Variants in EXOC6B observed in about 807,000 individuals in gnomAD.
EXOC6B encodes the protein exocyst complex component 6B.
Under a neutral mutation model 113.5 loss-of-function variants are expected in EXOC6B, and 54 were observed. The observed-to-expected ratio is 0.48, with a 90% CI of 0.38 to 0.60. The LOEUF is 0.60. Ranked by LOEUF, EXOC6B falls within the 20% of genes least tolerant of loss-of-function variation. The probability of loss-of-function intolerance (pLI) is 0.00; values close to 1 mark genes in which losing one functional copy is unlikely to be tolerated. For missense variants in EXOC6B, 797 were observed against 977.5 expected (o/e 0.82, Z 2.46); for synonymous variants, 357 against 339.0 (o/e 1.05, Z -0.58).
At chr2:72,307,308 T>A (rs575282192) in intron 20 of EXOC6B, among the ~76,000 whole-genome samples, 2 of 152,190 alleles carry the variant, frequency 1.3e-5, no homozygotes, top group African/African-American at 4.8e-5. Context: ...TCCGGCTATT[T>A]TTTTTTTCTT....
intron 20 of EXOC6B, among the ~76,000 whole-genome samples, chr2:72,196,101 T>C (rs1679151517): frequency 6.6e-6 from 1 of 152,196 alleles, no homozygotes. Flanking sequence ...AAATGTCTTT[T>C]ACCAACAGTG....
chr2:72,189,860 CTTTTT>C (rs57679690), intron 20 of EXOC6B, among the ~76,000 whole-genome samples: 5 of 87,250 alleles, frequency 5.7e-5, no homozygotes, highest in African/African-American at 2.0e-4. Flanking sequence ...CCTTCTTCTT[CTTTTT>C]TTTTTTTTTT....
At chr2:72,723,567 TATG>T (rs1260076419) in intron 5 of EXOC6B, among the ~76,000 whole-genome samples, 1 of 152,018 alleles carries the variant, frequency 6.6e-6, no homozygotes, top group East Asian at 1.9e-4. Context: ...AAATTCAGAG[TATG>T]ATAAAATATG....
intron 18 of EXOC6B, among the ~76,000 whole-genome samples, chr2:72,386,861 GTAATT>G (rs1179374964): frequency 2.0e-5 from 3 of 152,120 alleles, no homozygotes; most frequent in African/African-American, 4.8e-5. Context: ...TAAATGTAAT[GTAATT>G]TAACTTTTTA....
intron 1 of EXOC6B, among the ~76,000 whole-genome samples, chr2:72,802,419 A>T (rs1685337409): frequency 6.6e-6 from 1 of 151,930 alleles, no homozygotes; most frequent in South Asian, 2.1e-4. Context: ...ATAATACTAT[A>T]CTTAATATAT....
At chr2:72,755,876 G>A (rs547222267) in intron 1 of EXOC6B, among the ~76,000 whole-genome samples, 1 of 152,192 alleles carries the variant, frequency 6.6e-6, no homozygotes, top group African/African-American at 2.4e-5. Context: ...ATTGCTTCCA[G>A]GTGGAAATTT....
chr2:72,785,886 AG>A (rs1385353630), intron 1 of EXOC6B, among the ~76,000 whole-genome samples: 1 of 152,174 alleles, frequency 6.6e-6, no homozygotes, highest in East Asian at 1.9e-4. Context: ...TCACATAGTC[AG>A]GCTGCAAATT....
chr2:72,722,988 A>C (rs371221626), intron 5 of EXOC6B, among the ~76,000 whole-genome samples: 13 of 152,160 alleles, frequency 8.5e-5, no homozygotes, highest in African/African-American at 2.9e-4. Context: ...CTATTTCCCC[A>C]TTTTCCCTTC....
chr2:72,508,184 A>AAAAAAAAAAAAAAAAAAAAAAAAAAAC (rs923877882), intron 11 of EXOC6B, among the ~76,000 whole-genome samples: 4 of 89,110 alleles, frequency 4.5e-5, no homozygotes, highest in Admixed American at 1.1e-4. Flanking sequence ...AAAAAAAAAA[A>AAAAAAAAAAAAAAAAAAAAAAAAAAAC]ACACCTAAAA....
chr2:72,704,575 C>T (rs1341790018), intron 6 of EXOC6B, among the ~76,000 whole-genome samples: 5 of 151,678 alleles, frequency 3.3e-5, no homozygotes, highest in African/African-American at 4.8e-5. Flanking sequence ...ATTGATAGAC[C>T]GCTAGCAAGA....
Position 72,408,373 on chromosome 2 carries a change from T to C in EXOC6B, c.1981-28503A>G, listed in dbSNP as rs187494862. Reference sequence around the variant, plus strand: ...AGAATTGGAAAAAACTACTTTAAAGTTCATATGGAACCAAAAAAGAGCCCA... The same window carrying C: ...AGAATTGGAAAAAACTACTTTAAAGCTCATATGGAACCAAAAAAGAGCCCA... On this transcript the variant is annotated intron_variant, in intron 18 of 21. Transcript: ENST00000272427. Among the ~76,000 whole-genome samples the C allele has an allele frequency of 3.3e-3, 506 of 152,182 alleles. 6 individuals are homozygous for C. Among genetic ancestry groups the C allele is most frequent in the African/African-American group, 0.011 (462 of 41,518 alleles).
intron 2 of EXOC6B, 91 bp downstream of exon 2, chr2:72,741,213 T>G: frequency 8.1e-7 from 1 of 1,228,270 alleles, no homozygotes; most frequent in Non-Finnish European, 1.1e-6. Context: ...TCACTACAAA[T>G]ATGTGTTCTA....
At chr2:72,783,318 C>CTTTTTTTTTTTTTTTT (rs70963146) in intron 1 of EXOC6B, among the ~76,000 whole-genome samples, 4 of 60,394 alleles carry the variant, frequency 6.6e-5, no homozygotes, top group African/African-American at 1.4e-4. Flanking sequence ...TTTTTCTTTT[C>CTTTTTTTTTTTTTTTT]TTTTTTTTTT....
At chr2:72,794,515 C>T (rs1019823594) in intron 1 of EXOC6B, among the ~76,000 whole-genome samples, 11 of 152,162 alleles carry the variant, frequency 7.2e-5, no homozygotes, top group Admixed American at 2.6e-4. Context: ...ACACTTTAAT[C>T]GGTTCCTACC....
At chr2:72,225,944 C>T (rs563415141) in intron 20 of EXOC6B, among the ~76,000 whole-genome samples, 33 of 152,192 alleles carry the variant, frequency 2.2e-4, no homozygotes, top group African/African-American at 7.9e-4. Context: ...CATCAAATTC[C>T]CTCCTCAGAA....
Position 72,515,113 on chromosome 2 carries a change from G to A in EXOC6B, c.929C>T (p.Thr310Ile), listed in dbSNP as rs1003581299. 6.2e-7 allele frequency: 1 copy of A among 1,602,794 alleles called. No homozygotes were observed. The highest frequency in any genetic ancestry group is 8.5e-7 in the Non-Finnish European group (1 of 1,174,378). The part of the protein sequence containing the change: ...HIYSVLGARE[T>I]FENYYRKQRR... The stretch of plus-strand genomic sequence containing the variant: ...CTGTTTTCGGTAGTAATTCTCAAAT[G>A]TTTCCCGGGCACCCTGTAAATAAAG... The change falls in exon 9 of 22, where the codon ACA becomes ATA. Residue 310 changes from threonine (T) to isoleucine (I), a missense_variant. Thr to Ile is a moderately conservative substitution (Grantham distance 89). Coordinates refer to ENST00000272427, the MANE Select transcript of EXOC6B (RefSeq NM_015189.3).
chr2:72,197,880 A>T (rs1279824046), intron 20 of EXOC6B, among the ~76,000 whole-genome samples: 1 of 152,226 alleles, frequency 6.6e-6, no homozygotes, highest in Non-Finnish European at 1.5e-5. Context: ...TCCTAAAGGC[A>T]TTCACATTTA....
chr2:72,586,082 A>G (rs1705549512), intron 6 of EXOC6B, among the ~76,000 whole-genome samples: 1 of 152,166 alleles, frequency 6.6e-6, no homozygotes, highest in Admixed American at 6.5e-5. Flanking sequence ...TGTCTTTCAC[A>G]TATACAAAAA....
In EXOC6B at chr2:72,825,816, C is replaced by A; in HGVS notation, c.95G>T (p.Cys32Phe). ...LREIESTDTA[C>F]IGPTLRSVYD... is the part of the protein sequence containing the mutation. Reference sequence around the variant, plus strand: ...GGGGTACCTGAGCGTGGGCCCGATGCAGGCCGTGTCAGTGCTCTCGATCTC... The same window carrying A: ...GGGGTACCTGAGCGTGGGCCCGATGAAGGCCGTGTCAGTGCTCTCGATCTC... The change falls in exon 1 of 22, where the codon TGC becomes TTC. Residue 32 changes from cysteine to phenylalanine, a missense_variant. By Grantham distance (205) the Cys-to-Phe change is radical (BLOSUM62 -2). Coordinates refer to ENST00000272427, the MANE Select transcript of EXOC6B (RefSeq NM_015189.3). This position sits in a 1 kb window ranked among gnomAD's most constrained non-coding sequence, Gnocchi z 4.4. 3 of 1,613,128 alleles carry A rather than the reference C, an allele frequency of 1.9e-6. No homozygotes were observed. The highest frequency in any genetic ancestry group is 1.7e-6 in the Non-Finnish European group (2 of 1,179,668).
Sources: gnomAD v4.1 joint callset for allele counts (sites outside exome capture counted in the v4.1 genomes callset) on GRCh38, gnomAD v4.1.1 for gene constraint, Gnocchi (gnomAD v3.1) non-coding constraint, MANE v1.5 for transcripts, NCBI Gene and HGNC (gene_info 2026-07-23, HGNC 2026-07-21) for gene names.